Variants in RARB observed in about 807,000 individuals in gnomAD.
The protein encoded by RARB is retinoic acid receptor beta.
Under a neutral mutation model 51.9 loss-of-function variants are expected in RARB, and 17 were observed. The observed-to-expected ratio is 0.33, with a 90% confidence interval of 0.22 to 0.49. The LOEUF (loss-of-function observed/expected upper bound fraction) is 0.49, where lower values mean the gene tolerates loss of function less well. Among genes scored for constraint, RARB ranks in the 20% least tolerant of loss-of-function variants. The pLI is 0.99. For synonymous variants in RARB, 215 were observed against 195.4 expected, an observed-to-expected ratio of 1.10 and a Z score of -0.84; for missense variants, 369 against 550.8, an observed-to-expected ratio of 0.67 and a Z score of 3.30.
chr3:25,051,836 G>C (rs1419877005), intron 2 of RARB, among the ~76,000 whole-genome samples: 1 of 152,146 alleles, frequency 6.6e-6, no homozygotes, highest in Non-Finnish European at 1.5e-5. Flanking sequence ...AAGGGAGGAA[G>C]CATCTTAAAT....
chr3:25,373,871 G>A (rs1366930461), intron 5 of RARB, among the ~76,000 whole-genome samples: 3 of 152,144 alleles, frequency 2.0e-5, no homozygotes, highest in Non-Finnish European at 2.9e-5. Flanking sequence ...CTAACTGGCA[G>A]GAAAGGAATG....
intron 5 of RARB, among the ~76,000 whole-genome samples, chr3:25,325,863 A>C (rs1254930116): frequency 6.6e-6 from 1 of 152,136 alleles, no homozygotes; most frequent in Admixed American, 6.6e-5. Context: ...AAAATTACCA[A>C]AGTGAAACAA....
chr3:25,001,650 CTGA>C lies in RARB; in HGVS notation c.-379-58473_-379-58471del, dbSNP rs10603142. Among the ~76,000 whole-genome samples the C allele has an allele frequency of 6.1e-3, 935 of 152,288 alleles. 7 individuals carry two copies. Among genetic ancestry groups the C allele is most frequent in the African/African-American group, 0.022 (896 of 41,560 alleles). On this transcript the variant is annotated intron_variant, in intron 2 of 11. Coordinates refer to the RARB transcript ENST00000383772. ...TGCTCCTTGTTCCACTGCTGTGCTG[CTGA>C]TAAGAAATCAATTCAAAATAGTGTA...
intron 1 of RARB, among the ~76,000 whole-genome samples, chr3:25,434,252 TC>T (rs1296754507): frequency 6.6e-6 from 1 of 152,168 alleles, no homozygotes; most frequent in Non-Finnish European, 1.5e-5. Context: ...GGTGATGATG[TC>T]CCTGATTTCC....
intron 5 of RARB, among the ~76,000 whole-genome samples, chr3:25,179,954 A>T (rs901004271): frequency 6.6e-5 from 10 of 152,236 alleles, no homozygotes; most frequent in African/African-American, 2.4e-4. Context: ...AAGAGTTCTA[A>T]TGAGGAGCTG....
At chr3:25,130,048 T>G (rs1381643594) in intron 3 of RARB, among the ~76,000 whole-genome samples, 1 of 152,092 alleles carries the variant, frequency 6.6e-6, no homozygotes, top group Non-Finnish European at 1.5e-5. Context: ...TGTTGAAGCT[T>G]GATTACCTTA....
intron 2 of RARB, among the ~76,000 whole-genome samples, chr3:25,493,343 G>T (rs1696844340): frequency 6.6e-6 from 1 of 152,162 alleles, no homozygotes; most frequent in African/African-American, 2.4e-5. Context: ...TCCAGAGGGT[G>T]TTTTTTGTTT....
At chr3:25,163,043 C>T (rs917129923) in intron 4 of RARB, among the ~76,000 whole-genome samples, 6 of 152,158 alleles carry the variant, frequency 3.9e-5, no homozygotes, top group Non-Finnish European at 5.9e-5. Context: ...TCACCAGCAA[C>T]GTTAAAGCAT....
At chr3:25,223,436 G>A (rs890437648) in intron 5 of RARB, among the ~76,000 whole-genome samples, 1 of 152,084 alleles carries the variant, frequency 6.6e-6, no homozygotes, top group Non-Finnish European at 1.5e-5. Flanking sequence ...GCATAAAGGT[G>A]GCAATTTGTA....
chr3:25,593,728 C>T (rs111232213), intron 6 of RARB, 21 bp downstream of exon 6: 1 of 1,602,378 alleles, frequency 6.2e-7, no homozygotes, highest in Non-Finnish European at 8.5e-7. Flanking sequence ...TGTAGAAAAG[C>T]CTCATGAAAT....
rs182978901 is a variant in RARB, at chr3:25,347,964, A to G, written c.179-113229A>G. ...TGTCCTTACTACTTCCAATTAGTCT[A>G]GATTCCTTGAGGGCAATACTGGCCC... On this transcript the variant is annotated intron_variant, in intron 5 of 11. Transcript: ENST00000383772. Among the ~76,000 whole-genome samples the G allele has an allele frequency of 2.6e-5, 4 of 152,318 alleles. No homozygotes were observed. In the East Asian group the frequency reaches 7.7e-4, roughly 29 times the overall value.
intron 5 of RARB, among the ~76,000 whole-genome samples, chr3:25,258,716 C>T (rs998370168): frequency 6.6e-6 from 1 of 152,150 alleles, no homozygotes; most frequent in East Asian, 1.9e-4. Flanking sequence ...GCAGCTGCAT[C>T]TCCTGGCTTC....
rs1041092263 is a variant in RARB at position 25,589,182 on chromosome 3, A to G, written c.787-4321A>G. 6.6e-5 allele frequency among the ~76,000 whole-genome samples: 10 copies of G among 152,238 alleles called. No homozygotes were observed. In the East Asian group the frequency reaches 1.2e-3, roughly 18 times the overall value. Reference sequence around the variant, plus strand: ...TTTAGAGGAGGTGACATTTAAGCTGAACTCTGAGAAAAGAGCCATGTGAAG... The same window carrying G: ...TTTAGAGGAGGTGACATTTAAGCTGGACTCTGAGAAAAGAGCCATGTGAAG... On this transcript the variant is annotated intron_variant, in intron 5 of 7. Transcript: ENST00000330688.
intron 5 of RARB, among the ~76,000 whole-genome samples, chr3:25,292,219 C>T (rs985747211): frequency 2.0e-5 from 3 of 152,156 alleles, no homozygotes; most frequent in Non-Finnish European, 4.4e-5. Context: ...TCACTGCTGG[C>T]GATGCAGCGA....
intron 2 of RARB, among the ~76,000 whole-genome samples, chr3:24,914,407 T>C (rs146225561): frequency 6.6e-6 from 1 of 152,224 alleles, no homozygotes; most frequent in East Asian, 1.9e-4. Flanking sequence ...CCCTCTCAGA[T>C]AGGCCTTATC....
At chr3:25,419,981 T>G (rs1031701662) in intron 5 of RARB, among the ~76,000 whole-genome samples, 2 of 152,182 alleles carry the variant, frequency 1.3e-5, no homozygotes, top group African/African-American at 4.8e-5. Flanking sequence ...CTTTCGAAGC[T>G]CTTGGTTGAC....
intron 3 of RARB, among the ~76,000 whole-genome samples, chr3:25,127,504 A>G (rs371602264): frequency 2.6e-5 from 4 of 151,992 alleles, no homozygotes; most frequent in African/African-American, 9.7e-5. Flanking sequence ...TTTGTTTCCT[A>G]TTTAGCCCTT....
chr3:25,511,541 C>T (rs1043100502), intron 3 of RARB, among the ~76,000 whole-genome samples: 2 of 152,058 alleles, frequency 1.3e-5, no homozygotes, highest in African/African-American at 4.8e-5. Flanking sequence ...GAAAAAAAAT[C>T]AATTGAGACA....
intron 1 of RARB, among the ~76,000 whole-genome samples, chr3:25,431,715 C>G (rs78311930): frequency 2.2e-4 from 33 of 152,026 alleles, no homozygotes; most frequent in African/African-American, 7.5e-4. Context: ...TTTCTCCCTA[C>G]TCAACACATC....
Sources: allele counts gnomAD v4.1 joint callset (sites outside exome capture counted in the v4.1 genomes callset), GRCh38; gene constraint gnomAD v4.1.1; transcripts MANE v1.5; gene names NCBI Gene and HGNC (gene_info 2026-07-23, HGNC 2026-07-21).